The following CPEB1 variants were observed in gnomAD, a reference collection of about 807,000 sequenced individuals.
CPEB1 encodes cytoplasmic polyadenylation element binding protein 1.
In CPEB1, 7 loss-of-function variants were observed where a neutral mutation model predicts 65.8. The observed-to-expected ratio is 0.11, with a 90% CI of 0.06 to 0.20. CPEB1 has a LOEUF of 0.20. Ranked by LOEUF, CPEB1 falls within the 10% of genes least tolerant of loss-of-function variation. The pLI is 1.00. For missense variants in CPEB1, 551 were observed against 712.2 expected (o/e 0.77, Z 2.58); for synonymous variants, 262 against 260.0 (o/e 1.01, Z -0.08).
intron 4 of CPEB1, among the ~76,000 whole-genome samples, chr15:82,562,813 C>A (rs1481259429): frequency 1.4e-5 from 2 of 141,918 alleles, no homozygotes; most frequent in East Asian, 2.1e-4. Flanking sequence ...CCAGACTGGG[C>A]AACAGGGCAA....
chr15:82,544,765 T>C (rs2034858828), intron 12 of CPEB1, 63 bp from the exon 13 acceptor site: 1 of 1,225,732 alleles, frequency 8.2e-7, no homozygotes, highest in Non-Finnish European at 1.2e-6. Flanking sequence ...CAGGAGCTGT[T>C]GCACGAGCTG....
intron 3 of CPEB1, among the ~76,000 whole-genome samples, chr15:82,602,713 G>C (rs902451887): frequency 6.6e-6 from 1 of 152,082 alleles, no homozygotes; most frequent in African/African-American, 2.4e-5. Context: ...GGGCATGGTG[G>C]CAAGTGCCTG....
At chr15:82,644,237 G>C (rs2047320568) in intron 1 of CPEB1, among the ~76,000 whole-genome samples, 1 of 152,088 alleles carries the variant, frequency 6.6e-6, no homozygotes, top group Non-Finnish European at 1.5e-5. Context: ...TGCAGTTAAG[G>C]TTCACTTTGC....
rs534968367 is a variant in CPEB1 at position 82,574,722 on chromosome 15, C to CAAAAA, written c.272-3195_272-3191dup. On this transcript the variant is annotated intron_variant, in intron 3 of 12. Transcript: ENST00000684509. ...TGGGCAACAGAGCTAGACTCGGTCT[C>CAAAAA]AAAAAAAAAAAAAAAAAAAAAAAAA... Among the ~76,000 whole-genome samples, 107 of 53,504 alleles carry CAAAAA rather than the reference C, an allele frequency of 2.0e-3. 10 individuals are homozygous for CAAAAA. The highest frequency in any genetic ancestry group is 6.8e-3 in the East Asian group (9 of 1,332). The allele number at this position is 53,504 out of a possible 152,430, so 35.1% of individuals were successfully genotyped here. A position where few individuals can be genotyped will look rare whatever the true frequency, so the allele number is the denominator to read the frequency against.
At chr15:82,579,673 G>A (rs944690458) in intron 3 of CPEB1, among the ~76,000 whole-genome samples, 9 of 151,742 alleles carry the variant, frequency 5.9e-5, no homozygotes, top group African/African-American at 2.2e-4. Flanking sequence ...AGCACTTTGG[G>A]AGGCCGAGAC....
intron 3 of CPEB1, among the ~76,000 whole-genome samples, chr15:82,601,781 C>T (rs2043140096): frequency 6.8e-6 from 1 of 147,932 alleles, no homozygotes; most frequent in Non-Finnish European, 1.5e-5. Context: ...GAAAGAAATG[C>T]ATTTCATAAG....
chr15:82,565,840 TC>T (rs1245079561), intron 4 of CPEB1, among the ~76,000 whole-genome samples: 1 of 152,114 alleles, frequency 6.6e-6, no homozygotes, highest in Non-Finnish European at 1.5e-5. Flanking sequence ...ATTCCTATCT[TC>T]TAAAAATGGG....
intron 3 of CPEB1, among the ~76,000 whole-genome samples, chr15:82,622,487 G>A (rs1206624081): frequency 2.0e-5 from 3 of 151,936 alleles, no homozygotes; most frequent in Non-Finnish European, 2.9e-5. Context: ...TGCAACCTCC[G>A]ACTCCCCGGT....
At chr15:82,571,245 G>A (rs1008966066) in intron 4 of CPEB1, 99 bp downstream of exon 4, 3 of 1,438,242 alleles carry the variant, frequency 2.1e-6, no homozygotes, top group Non-Finnish European at 2.8e-6. Flanking sequence ...ATGGTGGGGA[G>A]TGATGCAAAG....
chr15:82,627,438 G>A, intron 2 of CPEB1, 71 bp from the exon 3 acceptor site: 10 of 1,194,350 alleles, frequency 8.4e-6, no homozygotes, highest in South Asian at 8.1e-5. Context: ...TCCACATTAC[G>A]AATTAGATAA....
At chr15:82,584,903 C>CCTTTTTTTTT (rs2041643931) in intron 3 of CPEB1, among the ~76,000 whole-genome samples, 8 of 81,738 alleles carry the variant, frequency 9.8e-5, no homozygotes, top group East Asian at 3.7e-4. Flanking sequence ...TCCTAATTTG[C>CCTTTTTTTTT]TTTTTTTTTT....
At chr15:82,570,383 C>A (rs1015903689) in intron 4 of CPEB1, among the ~76,000 whole-genome samples, 3 of 146,942 alleles carry the variant, frequency 2.0e-5, no homozygotes, top group Admixed American at 1.3e-4. Flanking sequence ...ACCACCCCCT[C>A]CCCCCCGCCC....
At position 82,629,326 on chromosome 15, in the gene CPEB1, C is replaced by G. The variant is rs1363499274; in HGVS notation, c.-97-770G>C. On this transcript the variant is annotated intron_variant, in intron 1 of 12. Transcript: ENST00000684509. ...TGAATACAAGAGAGGTAAGTACCAA[C>G]AGTGGTAAAACCACCCAAACTGATT... The G allele has an allele frequency of 5.1e-6, 5 of 984,700 alleles. No homozygotes were observed. The African/African-American group carries it at 7.0e-5, about 14-fold the overall frequency. 61.0% of individuals were successfully genotyped at this position (984,700 alleles called of 1,614,324 possible). A position where few individuals can be genotyped will look rare whatever the true frequency, so the allele number is the denominator to read the frequency against.
intron 12 of CPEB1, among the ~76,000 whole-genome samples, chr15:82,545,909 A>G (rs1372843360): frequency 6.6e-6 from 1 of 152,180 alleles, no homozygotes; most frequent in Non-Finnish European, 1.5e-5. Context: ...ATAGTGGCAT[A>G]CTGCATAGCA....
rs556748442 is a variant in CPEB1, at chr15:82,636,374, G to A, written c.-97-7818C>T. Among the ~76,000 whole-genome samples, 71 of 152,234 alleles carry A rather than the reference G, an allele frequency of 4.7e-4. 2 individuals are homozygous for A. In the South Asian group the frequency reaches 6.0e-3, roughly 13 times the overall value. ...TCTATCTTACCCTGCATCTTTGTAG[G>A]ATCTGACCCTTCAGCTATTCTCCAC... On this transcript the variant is annotated intron_variant, in intron 1 of 12. Transcript: ENST00000684509.
intron 3 of CPEB1, among the ~76,000 whole-genome samples, chr15:82,606,817 C>CAAAA (rs56078202): frequency 4.8e-5 from 4 of 82,976 alleles, no homozygotes; most frequent in African/African-American, 1.4e-4. Flanking sequence ...GACTCCGTCT[C>CAAAA]AAAAAAAAAA....
At chr15:82,626,872 A>T (rs2045824353) in intron 3 of CPEB1, among the ~76,000 whole-genome samples, 1 of 152,228 alleles carries the variant, frequency 6.6e-6, no homozygotes, top group Non-Finnish European at 1.5e-5. Context: ...TCTGTATCTT[A>T]ATTTTAACAT....
At chr15:82,573,274 T>A (rs1171211250) in intron 3 of CPEB1, 3 of 911,378 alleles carry the variant, frequency 3.3e-6, no homozygotes, top group Non-Finnish European at 4.8e-6. Context: ...GTGTCATCCA[T>A]CCACGTTATT....
intron 3 of CPEB1, among the ~76,000 whole-genome samples, chr15:82,592,577 CAAA>C (rs71453399): frequency 7.0e-5 from 6 of 85,392 alleles, no homozygotes; most frequent in Admixed American, 1.3e-4. Flanking sequence ...GATATTGTCT[CAAA>C]AAAAAAAAAA....
Sources: gnomAD v4.1 joint callset for allele counts (sites outside exome capture counted in the v4.1 genomes callset) on GRCh38, gnomAD v4.1.1 for gene constraint, MANE v1.5 for transcripts, NCBI Gene and HGNC (gene_info 2026-07-23, HGNC 2026-07-21) for gene names.